Variants in UBR4 observed in about 807,000 individuals in gnomAD.
The protein encoded by UBR4 is ubiquitin protein ligase E3 component n-recognin 4, also known as E3 ubiquitin-protein ligase UBR4.
A neutral mutation model predicts 575.6 loss-of-function variants in UBR4; 124 were observed. The observed-to-expected ratio is 0.22, with a 90% CI of 0.19 to 0.25. The LOEUF is 0.25. Among genes scored for constraint, UBR4 ranks in the 10% least tolerant of loss-of-function variants. The pLI is 1.00. For synonymous variants in UBR4, 2,455 were observed against 2,473.7 expected (o/e 0.99, Z 0.22); for missense variants, 4,818 against 6,478.8 (o/e 0.74, Z 8.80).
At chr1:19,081,859 A>T in intron 102 of UBR4, 1 of 648,712 alleles carries the variant, frequency 1.5e-6, no homozygotes. Context: ...CTGGTTCCTG[A>T]GCACCATATA....
rs1313261332 is a variant in UBR4, at chr1:19,193,523, A to C, written c.1053T>G (p.His351Gln). 2 of 1,614,004 alleles carry C rather than the reference A, an allele frequency of 1.2e-6. No homozygotes were observed. Among genetic ancestry groups the C allele is most frequent in the African/African-American group, 2.7e-5 (2 of 74,918 alleles). Residue 351 changes from histidine (H) to glutamine (Q), a missense_variant, in exon 9 of 106, where the codon CAT becomes CAG. This residue lies in a region of UBR4 where 131 missense variants were observed against 214.5 expected (regional missense o/e 0.61). Coordinates refer to ENST00000375254, the MANE Select transcript of UBR4 (RefSeq NM_020765.3). ...TCCGCACTTGCTGGGCACTACCCACATGGAGGATGGCCATGCACGTTGCCA... is the reference window on the plus strand; with the variant it reads ...TCCGCACTTGCTGGGCACTACCCACCTGGAGGATGGCCATGCACGTTGCCA... ...VSVATCMAILHVGSAQQVRTG... is the reference protein window; with the variant it reads ...VSVATCMAILQVGSAQQVRTG...
At position 19,192,199 on chromosome 1, in the gene UBR4, C is replaced by T. The variant is rs770269159; in HGVS notation, c.1383G>A (p.Gly461=). The T allele has an allele frequency of 3.1e-6, 5 of 1,613,642 alleles. No individual in the cohort carries two copies. The highest frequency in any genetic ancestry group is 2.7e-5 in the African/African-American group (2 of 74,910). The change falls in exon 11 of 106, where the codon GGG becomes GGA. Residue 461 remains glycine (G), a synonymous_variant. Coordinates refer to ENST00000375254, the MANE Select transcript of UBR4 (RefSeq NM_020765.3). ...AAGTAGACACATACCCTTTTCCAGGCCCCAGTTTAGGGGAGCCCACTCCCT... is the reference window on the plus strand; with the variant it reads ...AAGTAGACACATACCCTTTTCCAGGTCCCAGTTTAGGGGAGCCCACTCCCT... The part of the protein sequence containing the change: ...TKEGVGSPKL[G]PGKGHQGFGV...
chr1:19,119,146 G>A (rs1486488675), intron 70 of UBR4, among the ~76,000 whole-genome samples, 189 bp from the exon 71 acceptor site: 1 of 152,170 alleles, frequency 6.6e-6, no homozygotes, highest in African/African-American at 2.4e-5. Flanking sequence ...GTTTCCATGA[G>A]CTTTAGTGAT....
chr1:19,151,397 CA>C, intron 48 of UBR4: 1 of 585,190 alleles, frequency 1.7e-6, no homozygotes, highest in Non-Finnish European at 3.1e-6. Context: ...GAGGTGGACA[CA>C]ACACTATTGA....
intron 25 of UBR4, among the ~76,000 whole-genome samples, chr1:19,171,295 C>T (rs1345774996): frequency 6.6e-6 from 1 of 152,194 alleles, no homozygotes; most frequent in Non-Finnish European, 1.5e-5. Context: ...AAAGTACTGG[C>T]CTATTAGGCC....
At chr1:19,144,251 C>G (rs1381093808) in intron 54 of UBR4, among the ~76,000 whole-genome samples, 160 bp from the exon 55 acceptor site, 1 of 152,198 alleles carries the variant, frequency 6.6e-6, no homozygotes, top group Non-Finnish European at 1.5e-5. Flanking sequence ...TTAAGTTAAT[C>G]CCCGCTTCCT....
At chr1:19,122,122 T>C (rs1290739873) in intron 66 of UBR4, 110 bp from the exon 67 acceptor site, 12 of 1,045,956 alleles carry the variant, frequency 1.1e-5, no homozygotes, top group Non-Finnish European at 1.6e-5. Context: ...CACCTGAACA[T>C]GATCTTCTGA....
chr1:19,134,082 T>C (rs576482748), intron 60 of UBR4, among the ~76,000 whole-genome samples: 30 of 96,246 alleles, frequency 3.1e-4, no homozygotes, highest in African/African-American at 1.2e-3. Flanking sequence ...TGAGACTCTG[T>C]CTCTAAAAAA....
Position 19,173,598 on chromosome 1 carries a change from G to A in UBR4, c.3006C>T (p.Tyr1002=). The part of the protein sequence containing the change: ...TALEACALQY[Y]FLILWRILGI... The stretch of plus-strand genomic sequence containing the variant: ...CTAGGATCCTCCACAGTATCAAGAA[G>A]TAATATTGAAGGGCACAGGCCTCCT... The change falls in exon 23 of 106, where the codon TAC becomes TAT. Residue 1002 remains tyrosine, a synonymous_variant. Coordinates refer to ENST00000375254, the MANE Select transcript of UBR4 (RefSeq NM_020765.3). 6.2e-7 allele frequency: 1 copy of A among 1,614,150 alleles called. No homozygotes were observed. The highest frequency in any genetic ancestry group is 8.5e-7 in the Non-Finnish European group (1 of 1,180,004).
rs554854073 is a variant in UBR4 at position 19,101,345 on chromosome 1, A to C, written c.13023+175T>G. ...GGTCATTAAATGTCCCATCGTTAGC[A>C]AGAGGAAAATTATGAGGTTGCTTCA... On this transcript the variant is annotated intron_variant, in intron 88 of 105. Coordinates refer to ENST00000375254, the MANE Select transcript of UBR4 (RefSeq NM_020765.3). 2.6e-5 allele frequency among the ~76,000 whole-genome samples: 4 copies of C among 152,332 alleles called. No homozygotes were observed. The East Asian group carries it at 7.7e-4, about 29-fold the overall frequency.
chr1:19,166,958 T>C, intron 29 of UBR4, 64 bp downstream of exon 29: 1 of 1,538,998 alleles, frequency 6.5e-7, no homozygotes, highest in Non-Finnish European at 9.0e-7. Flanking sequence ...GCAGCAGTGT[T>C]AGTACATTTC....
Position 19,199,724 on chromosome 1 carries a change from G to A in UBR4, c.305C>T (p.Ala102Val). 6.2e-7 allele frequency: 1 copy of A among 1,614,132 alleles called. No homozygotes were observed. The highest frequency in any genetic ancestry group is 1.1e-5 in the South Asian group (1 of 91,084). Residue 102 changes from alanine (A) to valine (V), a missense_variant, in exon 3 of 106, where the codon GCA (alanine) becomes GTA (valine). By Grantham distance (64) the Ala-to-Val change is moderately conservative. Coordinates refer to ENST00000375254, the MANE Select transcript of UBR4 (RefSeq NM_020765.3). ...IPRNQLQSVA[A>V]ACKVLIEFSL... ...AAACTCAATTAGAACTTTACAGGCTGCTGCCACTGACTGAAGTTGGTTCCG... is the reference window on the plus strand; with the variant it reads ...AAACTCAATTAGAACTTTACAGGCTACTGCCACTGACTGAAGTTGGTTCCG...
chr1:19,161,785 G>A, intron 36 of UBR4, 42 bp downstream of exon 36: 1 of 1,614,004 alleles, frequency 6.2e-7, no homozygotes, highest in Non-Finnish European at 8.5e-7. Flanking sequence ...CCAACAATCG[G>A]TGCCCAGCAA....
rs1195722792 is a variant in UBR4 at position 19,150,688 on chromosome 1, A to G, written c.7319T>C (p.Phe2440Ser). Residue 2440 changes from phenylalanine (F) to serine (S), a missense_variant, in exon 49 of 106, where the codon TTC (phenylalanine) becomes TCC (serine). This residue lies in a region of UBR4 where 340 missense variants were observed against 375.4 expected (regional missense o/e 0.91). Transcript: ENST00000375254. ...GATGTTGCTGACAGAGGCAGAAGGG[A>G]ATTCTTCTGGGGGCTCATCAGGCCA... ...FGWPDEPPEEFPSASVSNICP... is the reference protein window; with the variant it reads ...FGWPDEPPEESPSASVSNICP... 6.2e-7 allele frequency: 1 copy of G among 1,614,056 alleles called. No homozygotes were observed. The highest frequency in any genetic ancestry group is 1.7e-5 in the Admixed American group (1 of 60,028).
chr1:19,121,386 A>T lies in UBR4; in HGVS notation c.9944T>A (p.Val3315Glu). Reference sequence around the variant, plus strand: ...GAGCAGTTGCAGCAGCACTGGGGACACGCCCTCATCCACAAGGAAACTGAC... The same window carrying T: ...GAGCAGTTGCAGCAGCACTGGGGACTCGCCCTCATCCACAAGGAAACTGAC... ...LQVSFLVDEG[V>E]SPVLLQLLSC... is the part of the protein sequence containing the mutation. Residue 3315 changes from valine (V) to glutamate (E), a missense_variant, in exon 68 of 106, where the codon GTG (valine) becomes GAG (glutamate). Coordinates refer to ENST00000375254, the MANE Select transcript of UBR4 (RefSeq NM_020765.3). 6.2e-7 allele frequency: 1 copy of T among 1,614,162 alleles called. No homozygotes were observed. Among genetic ancestry groups the T allele is most frequent in the Non-Finnish European group, 8.5e-7 (1 of 1,180,020 alleles).
In UBR4 at chr1:19,156,399, T is replaced by C. The variant is rs748731045; in HGVS notation, c.5944A>G (p.Ser1982Gly). 6.2e-7 allele frequency: 1 copy of C among 1,614,142 alleles called. No individual in the cohort carries two copies. The highest frequency in any genetic ancestry group is 1.7e-5 in the Admixed American group (1 of 60,018). ...AAGTGATCCGAAACAGAGCCTGAGC[T>C]ACTAAAGGTGAGCACATGACAGTCC... ...LKDCHVLTFSSSGSVSDHLVL... is the reference protein window; with the variant it reads ...LKDCHVLTFSGSGSVSDHLVL... The change falls in exon 42 of 106, where the codon AGC (serine) becomes GGC (glycine). Residue 1982 changes from serine (S) to glycine (G), a missense_variant. By Grantham distance (56) the Ser-to-Gly change is moderately conservative. Transcript: ENST00000375254.
In UBR4 at chr1:19,101,639, T is replaced by C; in HGVS notation, c.12904A>G (p.Thr4302Ala). Reference protein sequence around the residue: ...LEMLEDMTTGTESETKAFMAV... With the variant: ...LEMLEDMTTGAESETKAFMAV... The stretch of plus-strand genomic sequence containing the variant: ...ATGAAGGCCTTGGTTTCTGATTCTG[T>C]ACCTGCCAGAAATCAAAGCGGCCAA... Residue 4302 changes from threonine to alanine, a missense_variant and splice_region_variant, in exon 88 of 106, where the codon ACA becomes GCA. This residue lies in a region of UBR4 where 105 missense variants were observed against 232.8 expected (regional missense o/e 0.45). Coordinates refer to ENST00000375254, the MANE Select transcript of UBR4 (RefSeq NM_020765.3). 1 of 1,601,760 alleles carries C rather than the reference T, an allele frequency of 6.2e-7. No individual in the cohort carries two copies. The highest frequency in any genetic ancestry group is 8.6e-7 in the Non-Finnish European group (1 of 1,169,520).
chr1:19,186,141 C>T lies in UBR4; in HGVS notation c.1750+399G>A, dbSNP rs907901137. Among the ~76,000 whole-genome samples, 5 of 152,300 alleles carry T rather than the reference C, an allele frequency of 3.3e-5. No homozygotes were observed. The East Asian group carries it at 9.7e-4, about 29-fold the overall frequency. On this transcript the variant is annotated intron_variant, in intron 14 of 105. Transcript: ENST00000375254. ...ACTACAACAGGATTAGGTTTCTCTA[C>T]TCAAGCTTCCCTAAACTATGACTAT... is the stretch of plus-strand genomic sequence containing the variant.
intron 14 of UBR4, among the ~76,000 whole-genome samples, chr1:19,185,582 T>C (rs1361223590): frequency 8.0e-6 from 1 of 125,502 alleles, no homozygotes; most frequent in Non-Finnish European, 1.9e-5. Context: ...TCTTTTTTTT[T>C]TTTTTTTTTG....
Sources: allele counts gnomAD v4.1 joint callset (sites outside exome capture counted in the v4.1 genomes callset), GRCh38; gene constraint gnomAD v4.1.1; regional missense constraint gnomAD v4.1.1; transcripts MANE v1.5; gene names NCBI Gene and HGNC (gene_info 2026-07-23, HGNC 2026-07-21).